The following ZSWIM5 variants were observed in gnomAD, a reference collection of about 807,000 sequenced individuals.
ZSWIM5 encodes zinc finger SWIM-type containing 5, also known as zinc finger SWIM domain-containing protein 5.
Under a neutral mutation model 119.6 loss-of-function variants are expected in ZSWIM5, and 55 were observed. The observed-to-expected ratio is 0.46, with a 90% CI of 0.37 to 0.58. ZSWIM5 has a LOEUF of 0.58. Among genes scored for constraint, ZSWIM5 ranks in the 20% least tolerant of loss-of-function variants. ZSWIM5 has a pLI of 0.00. For missense variants in ZSWIM5, 1,193 were observed against 1,512.8 expected, an observed-to-expected ratio of 0.79 and a Z score of 3.51; for synonymous variants, 537 against 606.9, an observed-to-expected ratio of 0.88 and a Z score of 1.69.
chr1:45,053,189 A>T (rs1239488248), intron 4 of ZSWIM5, among the ~76,000 whole-genome samples: 3 of 152,010 alleles, frequency 2.0e-5, no homozygotes, highest in Non-Finnish European at 4.4e-5. Context: ...TTAGGGGATT[A>T]TAGTAACATT....
rs866351936 is a variant in ZSWIM5, at chr1:45,066,199, T to C, written c.953-5952A>G. Among the ~76,000 whole-genome samples, 6 of 151,992 alleles carry C rather than the reference T, an allele frequency of 3.9e-5. No individual in the cohort carries two copies. The Middle Eastern group carries it at 0.014, about 347-fold the overall frequency. On this transcript the variant is annotated intron_variant, in intron 2 of 13. Coordinates refer to ENST00000359600, the MANE Select transcript of ZSWIM5 (RefSeq NM_020883.2). ...CCTACAAAGGACATGAACTCTTCAT[T>C]TTTTATGGCTGTATAGTATTCCCCC...
intron 1 of ZSWIM5, among the ~76,000 whole-genome samples, chr1:45,166,062 T>A (rs1219407829): frequency 6.6e-6 from 1 of 151,966 alleles, no homozygotes; most frequent in East Asian, 1.9e-4. Flanking sequence ...GATGCGAAAA[T>A]CCTCAATAAA....
At chr1:45,119,678 G>A (rs895532482) in intron 1 of ZSWIM5, among the ~76,000 whole-genome samples, 1 of 152,184 alleles carries the variant, frequency 6.6e-6, no homozygotes, top group African/African-American at 2.4e-5. Context: ...ATCGTCAGTA[G>A]CTGTCTTAAA....
intron 2 of ZSWIM5, among the ~76,000 whole-genome samples, chr1:45,080,576 G>T (rs1645283976): frequency 6.6e-6 from 1 of 152,200 alleles, no homozygotes; most frequent in African/African-American, 2.4e-5. Context: ...GCAATATGAA[G>T]TTAAAACCAG....
chr1:45,048,093 T>TGAGACAGGGTC (rs1645067964), intron 5 of ZSWIM5, among the ~76,000 whole-genome samples: 1 of 147,912 alleles, frequency 6.8e-6, no homozygotes, highest in East Asian at 2.0e-4. Context: ...TTTTTTTTTT[T>TGAGACAGGGTC]TTTTTTTTGA....
chr1:45,018,686 C>A lies in ZSWIM5; in HGVS notation c.3326G>T (p.Arg1109Leu), dbSNP rs200355787. ...ATTGATGGTGGCATCCAGCAACTGG[C>A]GCAATGGAGCTTTGTCAGTGGACAT... ...KLMSTDKAPL[R>L]QLLDATINAY... is the part of the protein sequence containing the mutation. The change falls in exon 14 of 14, where the codon CGC becomes CTC. Residue 1109 changes from arginine (R) to leucine (L), a missense_variant. By Grantham distance (102) the Arg-to-Leu change is moderately radical. Transcript: ENST00000359600. The surrounding 1 kb of genome is among the most constrained non-coding windows in gnomAD (Gnocchi z 6.7). 1.2e-6 allele frequency: 2 copies of A among 1,614,092 alleles called. No individual in the cohort carries two copies. The highest frequency in any genetic ancestry group is 1.7e-6 in the Non-Finnish European group (2 of 1,180,048).
chr1:45,178,098 C>G (rs1645991734), intron 1 of ZSWIM5, among the ~76,000 whole-genome samples: 1 of 151,942 alleles, frequency 6.6e-6, no homozygotes, highest in East Asian at 1.9e-4. Context: ...AAACCAAAAC[C>G]CCACGGATAG....
At chr1:45,079,729 CT>C (rs1450455523) in intron 2 of ZSWIM5, among the ~76,000 whole-genome samples, 1 of 152,170 alleles carries the variant, frequency 6.6e-6, no homozygotes, top group Non-Finnish European at 1.5e-5. Context: ...TGTCCTGAGA[CT>C]CACCTTAAGC....
intron 1 of ZSWIM5, among the ~76,000 whole-genome samples, chr1:45,129,404 G>A (rs1172953244): frequency 3.9e-5 from 6 of 151,942 alleles, no homozygotes; most frequent in Non-Finnish European, 2.9e-5. Context: ...TGATCCGCCC[G>A]CCTCAGCCTC....
chr1:45,082,062 T>C (rs1260610969), intron 2 of ZSWIM5, among the ~76,000 whole-genome samples: 1 of 152,180 alleles, frequency 6.6e-6, no homozygotes, highest in Non-Finnish European at 1.5e-5. Flanking sequence ...ATGTGCTGTG[T>C]CCACTCAGAG....
intron 2 of ZSWIM5, chr1:45,069,910 G>GTAC (rs1267450964): frequency 1.8e-6 from 1 of 553,068 alleles, no homozygotes; most frequent in African/African-American, 1.9e-5. Context: ...TAGAGGACTG[G>GTAC]TACAGCCTTT....
rs538731181 is a variant in ZSWIM5, at chr1:45,075,302, G to A, written c.952+12579C>T. Among the ~76,000 whole-genome samples the A allele has an allele frequency of 1.5e-3, 230 of 150,492 alleles. 5 individuals are homozygous for A. Among genetic ancestry groups the A allele is most frequent in the Admixed American group, 2.9e-3 (44 of 15,254 alleles). Reference sequence around the variant, plus strand: ...GGAAGATGTGTCCGATGCTGATAGCGGGGTGCTGAAGTCTCCAGCTATTAC... The same window carrying A: ...GGAAGATGTGTCCGATGCTGATAGCAGGGTGCTGAAGTCTCCAGCTATTAC... On this transcript the variant is annotated intron_variant, in intron 2 of 13. Coordinates refer to ENST00000359600, the MANE Select transcript of ZSWIM5 (RefSeq NM_020883.2).
In ZSWIM5 at chr1:45,206,199, C is replaced by A. The variant is rs1285985566; in HGVS notation, c.152G>T (p.Cys51Phe). 1 of 1,598,968 alleles carries A rather than the reference C, an allele frequency of 6.3e-7. No individual in the cohort carries two copies. Among genetic ancestry groups the A allele is most frequent in the South Asian group, 1.1e-5 (1 of 89,236 alleles). ...GGGAGGVGSS[C>F]LVLGARPHLQ... The stretch of plus-strand genomic sequence containing the variant: ...GTGGGGGCGGGCCCCGAGGACCAGG[C>A]AGCTGCTGCCGACGCCCCCTGCCCC... The change falls in exon 1 of 14, where the codon TGC (cysteine) becomes TTC (phenylalanine). Residue 51 changes from cysteine (C) to phenylalanine (F), a missense_variant. Physicochemically the swap from Cys to Phe is radical, Grantham distance 205. This residue lies in a region of ZSWIM5 where 232 missense variants were observed against 222.9 expected (regional missense o/e 1.04). Coordinates refer to ENST00000359600, the MANE Select transcript of ZSWIM5 (RefSeq NM_020883.2).
At position 45,034,451 on chromosome 1, in the gene ZSWIM5, G is replaced by A. The variant is rs771144730; in HGVS notation, c.2310C>T (p.Asn770=). 10 of 1,608,230 alleles carry A rather than the reference G, an allele frequency of 6.2e-6. No individual in the cohort carries two copies. The East Asian group carries it at 2.2e-4, about 36-fold the overall frequency. The change falls in exon 11 of 14, where the codon AAC becomes AAT. Residue 770 remains asparagine (N), a synonymous_variant. Transcript: ENST00000359600. ...GGGATGTGTCGCCTGCAGAAGCTGA[G>A]TTTTCTAAAACAGGTAACCTGGAAG... ...LRAMRLPVLE[N]SASAGDTSHP...
intron 2 of ZSWIM5, among the ~76,000 whole-genome samples, chr1:45,078,192 T>G (rs1645266957): frequency 1.3e-5 from 2 of 152,194 alleles, no homozygotes; most frequent in African/African-American, 4.8e-5. Flanking sequence ...CATAAGAAAT[T>G]ACAAAACTAT....
chr1:45,206,305 C>G lies in ZSWIM5; in HGVS notation c.46G>C (p.Val16Leu). 1 of 1,547,274 alleles carries G rather than the reference C, an allele frequency of 6.5e-7. No individual in the cohort carries two copies. Among genetic ancestry groups the G allele is most frequent in the Non-Finnish European group, 8.7e-7 (1 of 1,147,108 alleles). ...EREELLSPSPVSPAKRQCSWP... is the reference protein window; with the variant it reads ...EREELLSPSPLSPAKRQCSWP... ...GAACACTGCCGCTTAGCCGGAGAGACCGGTGACGGCGAGAGCAGCTCCTCT... is the reference window on the plus strand; with the variant it reads ...GAACACTGCCGCTTAGCCGGAGAGAGCGGTGACGGCGAGAGCAGCTCCTCT... The change falls in exon 1 of 14, where the codon GTC becomes CTC. Residue 16 changes from valine to leucine, a missense_variant. Transcript: ENST00000359600.
In ZSWIM5 at chr1:45,035,775, G is replaced by C. The variant is rs1484120300; in HGVS notation, c.2204C>G (p.Pro735Arg). 7.4e-6 allele frequency: 12 copies of C among 1,613,718 alleles called. No homozygotes were observed. The highest frequency in any genetic ancestry group is 1.0e-5 in the Non-Finnish European group (12 of 1,180,010). The change falls in exon 10 of 14, where the codon CCC (proline) becomes CGC (arginine). Residue 735 changes from proline (P) to arginine (R), a missense_variant. Pro to Arg is a moderately radical substitution (Grantham distance 103). Coordinates refer to ENST00000359600, the MANE Select transcript of ZSWIM5 (RefSeq NM_020883.2). Reference sequence around the variant, plus strand: ...CAAATACTTGGCAAAGGTATGCATGGGAACACTCTCTCGGTGGATGACTTC... The same window carrying C: ...CAAATACTTGGCAAAGGTATGCATGCGAACACTCTCTCGGTGGATGACTTC... ...LGEVIHRESV[P>R]MHTFAKYLFS...
intron 1 of ZSWIM5, among the ~76,000 whole-genome samples, chr1:45,109,873 C>G (rs1441913849): frequency 6.6e-6 from 1 of 152,000 alleles, no homozygotes; most frequent in South Asian, 2.1e-4. Context: ...CTATATTTTT[C>G]CTTTTTTTTT....
intron 11 of ZSWIM5, among the ~76,000 whole-genome samples, chr1:45,026,679 T>C (rs1404902983): frequency 6.6e-6 from 1 of 152,342 alleles, no homozygotes. Context: ...TCTGTACTTT[T>C]CCTTTCTTGT....
Sources: gnomAD v4.1 joint callset for allele counts (sites outside exome capture counted in the v4.1 genomes callset) on GRCh38, gnomAD v4.1.1 for gene constraint, gnomAD v4.1.1 regional missense constraint, Gnocchi (gnomAD v3.1) non-coding constraint, MANE v1.5 for transcripts, NCBI Gene and HGNC (gene_info 2026-07-23, HGNC 2026-07-21) for gene names.